Variants in UBAP2 observed in about 807,000 individuals in gnomAD.
UBAP2 encodes ubiquitin associated protein 2, also known as ubiquitin-associated protein 2.
In UBAP2, 75 loss-of-function variants were observed where a neutral mutation model predicts 139.6. The observed-to-expected ratio is 0.54, with a 90% CI of 0.45 to 0.65. UBAP2 has a LOEUF of 0.65. Among genes scored for constraint, UBAP2 ranks in the 30% least tolerant of loss-of-function variants. UBAP2 has a pLI of 0.00. For missense variants in UBAP2, 1,368 were observed against 1,369.6 expected, an observed-to-expected ratio of 1.00 and a Z score of 0.02; for synonymous variants, 526 against 526.2, an observed-to-expected ratio of 1.00 and a Z score of 0.01.
At chr9:33,957,775 A>T (rs2130994725) in intron 10 of UBAP2, among the ~76,000 whole-genome samples, 1 of 152,298 alleles carries the variant, frequency 6.6e-6, no homozygotes, top group East Asian at 1.9e-4. Flanking sequence ...AATGTCTCAG[A>T]AACACTGTAT....
chr9:33,962,681 T>TA (rs1465258554), intron 9 of UBAP2, among the ~76,000 whole-genome samples: 57 of 119,942 alleles, frequency 4.8e-4, no homozygotes, highest in South Asian at 1.8e-3. Context: ...AATAAATAAA[T>TA]AATTAAAAAA....
chr9:34,026,559 C>A (rs1825417274), intron 1 of UBAP2, among the ~76,000 whole-genome samples: 1 of 152,064 alleles, frequency 6.6e-6, no homozygotes, highest in Non-Finnish European at 1.5e-5. Flanking sequence ...AAGGATGGGT[C>A]TCAGGTCCTT....
chr9:34,043,152 T>A (rs1446516844), intron 1 of UBAP2, among the ~76,000 whole-genome samples: 1 of 152,192 alleles, frequency 6.6e-6, no homozygotes, highest in African/African-American at 2.4e-5. Flanking sequence ...TTATGCCTCA[T>A]ATATCATCTA....
intron 10 of UBAP2, among the ~76,000 whole-genome samples, chr9:33,956,387 C>T (rs1177280867): frequency 6.7e-6 from 1 of 150,072 alleles, no homozygotes; most frequent in Non-Finnish European, 1.5e-5. Flanking sequence ...GACGTGATCT[C>T]GGCTCACTGC....
At chr9:34,016,251 G>GGAGGAGGAA (rs1333206342) in intron 2 of UBAP2, among the ~76,000 whole-genome samples, 1 of 18,268 alleles carries the variant, frequency 5.5e-5, no homozygotes, top group African/African-American at 1.1e-4. Context: ...AGGAAGAGGA[G>GGAGGAGGAA]GAGGAGGAAG....
chr9:33,939,819 A>G (rs1250644768), intron 16 of UBAP2, among the ~76,000 whole-genome samples: 1 of 4,170 alleles, frequency 2.4e-4, no homozygotes, highest in East Asian at 0.012. Context: ...GAAGGGGAGG[A>G]GGAAGGGGGG....
Position 34,027,841 on chromosome 9 carries a change from G to A in UBAP2, c.-41-10652C>T, listed in dbSNP as rs184105770. ...TGCACCACTGCACTCCAGGCTGGGC[G>A]ACAGAGCGAGACTCCATCTCAAAAA... On this transcript the variant is annotated intron_variant, in intron 1 of 28. Transcript: ENST00000379238. Among the ~76,000 whole-genome samples the A allele has an allele frequency of 7.0e-4, 101 of 144,042 alleles. 1 individual carries two copies. The East Asian group carries it at 0.018, about 26-fold the overall frequency. The allele number at this position is 144,042 out of a possible 152,430, so 94.5% of individuals were successfully genotyped here.
In UBAP2 at chr9:33,923,334, A is replaced by G. The variant is rs757416452; in HGVS notation, c.2897-41T>C. ...ACAAGAGGCAAGTGTGAGCCAGGCA[A>G]GCCTGTCTAACCCCATGTGTCTCTG... On this transcript the variant is annotated intron_variant, in intron 25 of 28. Coordinates refer to ENST00000379238, the MANE Select transcript of UBAP2 (RefSeq NM_001370062.2). The G allele has an allele frequency of 8.1e-6, 13 of 1,613,310 alleles. No homozygotes were observed. The South Asian group carries it at 1.4e-4, about 18-fold the overall frequency.
At chr9:33,954,677 C>A (rs1826402911) in intron 11 of UBAP2, among the ~76,000 whole-genome samples, 1 of 152,168 alleles carries the variant, frequency 6.6e-6, no homozygotes, top group African/African-American at 2.4e-5. Context: ...TAGACTATAG[C>A]CAAGTTGAAT....
chr9:33,934,891 A>G (rs1286802789), intron 17 of UBAP2, among the ~76,000 whole-genome samples: 1 of 152,182 alleles, frequency 6.6e-6, no homozygotes, highest in Non-Finnish European at 1.5e-5. Context: ...TGGCAGCCCA[A>G]CAATACCAGC....
Position 33,927,996 on chromosome 9 carries a change from G to A in UBAP2, c.2176-4C>T, listed in dbSNP as rs780155224. 2 of 1,608,536 alleles carry A rather than the reference G, an allele frequency of 1.2e-6. No individual in the cohort carries two copies. Among genetic ancestry groups the A allele is most frequent in the South Asian group, 1.1e-5 (1 of 90,152 alleles). ...AGGCGCTCTCCACACTGGCATGCTG[G>A]CAAAAGAAAAGCCAGGACACATGGA... On this transcript the variant is annotated splice_polypyrimidine_tract_variant and splice_region_variant and intron_variant, in intron 19 of 28. Coordinates refer to ENST00000379238, the MANE Select transcript of UBAP2 (RefSeq NM_001370062.2).
intron 18 of UBAP2, 73 bp downstream of exon 18, chr9:33,933,417 A>C: frequency 6.5e-7 from 1 of 1,547,566 alleles, no homozygotes; most frequent in South Asian, 1.2e-5. Flanking sequence ...CTGTTCATGA[A>C]AGCAACCTTC....
At chr9:33,963,898 C>T in intron 8 of UBAP2, 107 bp from the exon 9 acceptor site, 1 of 770,600 alleles carries the variant, frequency 1.3e-6, no homozygotes, top group Admixed American at 2.0e-5. Flanking sequence ...GCGTTACTGC[C>T]CAAGGATAGT....
intron 1 of UBAP2, among the ~76,000 whole-genome samples, chr9:34,042,779 T>C (rs1356677591): frequency 1.3e-5 from 2 of 151,766 alleles, no homozygotes; most frequent in East Asian, 3.9e-4. Context: ...TACTTTTTTT[T>C]TTTAATTTTA....
intron 6 of UBAP2, among the ~76,000 whole-genome samples, chr9:33,983,190 G>C (rs1271415191): frequency 6.6e-6 from 1 of 152,000 alleles, no homozygotes; most frequent in Non-Finnish European, 1.5e-5. Flanking sequence ...CCTATAATGT[G>C]TTTTTATAAC....
chr9:34,003,724 T>A (rs1362105048), intron 2 of UBAP2, among the ~76,000 whole-genome samples: 2 of 146,918 alleles, frequency 1.4e-5, no homozygotes, highest in Non-Finnish European at 3.0e-5. Flanking sequence ...GATTTCTTTC[T>A]TTTGTTTTTT....
intron 2 of UBAP2, among the ~76,000 whole-genome samples, chr9:34,013,891 A>G (rs1824000475): frequency 6.6e-6 from 1 of 152,134 alleles, no homozygotes; most frequent in Non-Finnish European, 1.5e-5. Flanking sequence ...AAAAAAAGAA[A>G]GAAAAAAATT....
In UBAP2 at chr9:33,986,745, C is replaced by T. The variant is rs1160090980; in HGVS notation, c.520+15G>A. On this transcript the variant is annotated intron_variant, in intron 6 of 28. Transcript: ENST00000379238. ...CCTAATTGAAAGCATTTTCTTCCCTCTTACTCTAGCTTACCTCTACCCCGG... is the reference window on the plus strand; with the variant it reads ...CCTAATTGAAAGCATTTTCTTCCCTTTTACTCTAGCTTACCTCTACCCCGG... 3 of 1,611,802 alleles carry T rather than the reference C, an allele frequency of 1.9e-6. No individual in the cohort carries two copies. The highest frequency in any genetic ancestry group is 2.5e-6 in the Non-Finnish European group (3 of 1,178,298).
Position 33,922,202 on chromosome 9 carries a change from G to T in UBAP2, c.*302C>A, listed in dbSNP as rs1309856006. On this transcript the variant is annotated 3_prime_UTR_variant, in exon 29 of 29. Coordinates refer to ENST00000379238, the MANE Select transcript of UBAP2 (RefSeq NM_001370062.2). ...GCAGTGCAGGCTGTGAAGAAGACCT[G>T]AAGGCAGATGGGGTGGGGGTGCTTA... 7.7e-6 allele frequency: 3 copies of T among 390,064 alleles called. No homozygotes were observed. In the East Asian group the frequency reaches 1.7e-4, roughly 22 times the overall value. 24.2% of individuals were successfully genotyped at this position (390,064 alleles called of 1,614,324 possible).
Sources: allele counts gnomAD v4.1 joint callset (sites outside exome capture counted in the v4.1 genomes callset), GRCh38; gene constraint gnomAD v4.1.1; transcripts MANE v1.5; gene names NCBI Gene and HGNC (gene_info 2026-07-23, HGNC 2026-07-21).